Variants in PTPRD observed in about 807,000 individuals in gnomAD.
PTPRD encodes receptor-type tyrosine-protein phosphatase delta.
Under a neutral mutation model 214.5 loss-of-function variants are expected in PTPRD, and 34 were observed. The ratio of observed to expected loss-of-function variants is 0.16; its 90% CI spans 0.12 to 0.21. PTPRD has a LOEUF of 0.21. Ranked by LOEUF, PTPRD falls within the 10% of genes least tolerant of loss-of-function variation. PTPRD has a pLI of 1.00. For missense variants in PTPRD, 2,545 were observed against 2,398.7 expected, an observed-to-expected ratio of 1.06 and a Z score of -1.27; for synonymous variants, 1,128 against 845.7, an observed-to-expected ratio of 1.33 and a Z score of -5.79.
chr9:8,921,491 C>T (rs935845914), intron 11 of PTPRD, among the ~76,000 whole-genome samples: 2 of 150,744 alleles, frequency 1.3e-5, no homozygotes, highest in African/African-American at 4.9e-5. Context: ...CAAAAGTTTT[C>T]GCATTTTTTT....
chr9:10,044,237 T>C (rs2097349430), intron 3 of PTPRD, among the ~76,000 whole-genome samples: 1 of 151,790 alleles, frequency 6.6e-6, no homozygotes, highest in Non-Finnish European at 1.5e-5. Flanking sequence ...TCTATGAGTT[T>C]TTCTCTAAAA....
intron 12 of PTPRD, 125 bp from the exon 13 acceptor site, chr9:8,636,969 C>G: frequency 1.1e-6 from 1 of 894,724 alleles, no homozygotes; most frequent in South Asian, 2.1e-5. Flanking sequence ...TTACAATGCA[C>G]TATGGGATTA....
chr9:9,700,826 G>A (rs182865865), intron 7 of PTPRD, among the ~76,000 whole-genome samples: 2 of 152,094 alleles, frequency 1.3e-5, no homozygotes, highest in Middle Eastern at 3.4e-3. Flanking sequence ...CAGATCCTAA[G>A]ATTTTGGAAT....
intron 31 of PTPRD, among the ~76,000 whole-genome samples, chr9:8,466,804 C>T (rs140673347): frequency 2.0e-5 from 3 of 151,878 alleles, no homozygotes; most frequent in African/African-American, 7.2e-5. Flanking sequence ...CTTATGGAAA[C>T]AGTGCAGCAA....
intron 8 of PTPRD, among the ~76,000 whole-genome samples, chr9:9,520,523 G>A (rs1008819637): frequency 6.6e-6 from 1 of 152,038 alleles, no homozygotes; most frequent in Non-Finnish European, 1.5e-5. Flanking sequence ...AAGAAATACA[G>A]TGTCTTTTTT....
At chr9:9,476,923 C>T (rs10977807) in intron 8 of PTPRD, among the ~76,000 whole-genome samples, 104,382 of 150,994 alleles carry the variant, frequency 0.69, 36,100 homozygotes, top group South Asian at 0.73. Context: ...TCAGTAGGGA[C>T]GGGGTTTCTC....
intron 14 of PTPRD, among the ~76,000 whole-genome samples, chr9:8,614,177 T>A (rs561157831): frequency 6.6e-6 from 1 of 152,184 alleles, no homozygotes; most frequent in Non-Finnish European, 1.5e-5. Flanking sequence ...ACTGAGCTTT[T>A]TGACCCTCAT....
At chr9:9,668,371 G>T (rs893232824) in intron 7 of PTPRD, among the ~76,000 whole-genome samples, 2 of 152,110 alleles carry the variant, frequency 1.3e-5, no homozygotes, top group African/African-American at 4.8e-5. Context: ...GGAAATTTTT[G>T]CTAACTGCAG....
At chr9:8,348,463 T>C (rs1179095156) in intron 39 of PTPRD, among the ~76,000 whole-genome samples, 1 of 152,140 alleles carries the variant, frequency 6.6e-6, no homozygotes, top group African/African-American at 2.4e-5. Flanking sequence ...TCCAATATTA[T>C]CTCTTCAAAC....
chr9:9,574,770 C>G lies in PTPRD; in HGVS notation c.-275G>C, dbSNP rs1477282931. The stretch of plus-strand genomic sequence containing the variant: ...GTTAGGAATTCGAAGAAAAAGTTCA[C>G]CACCCTGAGACCTAGAAAAGTATAA... On this transcript the variant is annotated 5_prime_UTR_variant, in exon 8 of 46. Coordinates refer to ENST00000381196, the MANE Select transcript of PTPRD (RefSeq NM_002839.4). 1 of 151,982 alleles carries G rather than the reference C, an allele frequency of 6.6e-6. No homozygotes were observed. The highest frequency in any genetic ancestry group is 1.5e-5 in the Non-Finnish European group (1 of 67,960). The allele number at this position is 151,982 out of a possible 1,614,324, so 9.4% of individuals were successfully genotyped here.
At chr9:9,056,556 T>C (rs1482469519) in intron 10 of PTPRD, among the ~76,000 whole-genome samples, 4 of 152,214 alleles carry the variant, frequency 2.6e-5, no homozygotes, top group Non-Finnish European at 4.4e-5. Flanking sequence ...AAATTGACGT[T>C]GATGGTAAAT....
intron 4 of PTPRD, among the ~76,000 whole-genome samples, chr9:10,008,249 T>C (rs1484583596): frequency 1.3e-5 from 2 of 151,906 alleles, no homozygotes; most frequent in African/African-American, 4.8e-5. Flanking sequence ...TCCCTGTCAG[T>C]AGACTTTCAT....
intron 4 of PTPRD, among the ~76,000 whole-genome samples, chr9:9,980,635 CAAAAAAA>C (rs1172955634): frequency 8.8e-5 from 3 of 34,004 alleles, no homozygotes; most frequent in Non-Finnish European, 1.7e-4. Context: ...AAAAAAAAAA[CAAAAAAA>C]AAAACCCTTT....
intron 7 of PTPRD, among the ~76,000 whole-genome samples, chr9:9,611,621 G>C (rs900758754): frequency 1.3e-5 from 2 of 151,626 alleles, no homozygotes; most frequent in Admixed American, 6.6e-5. Flanking sequence ...TATTATATTG[G>C]TCATCCATAG....
Position 8,492,968 on chromosome 9 carries a change from AATGATC to A in PTPRD, c.2355_2360del (p.Met785_Ile786del). ...AGGAAGTTTCAGGCTGGAGCCCAGA[AATGATC>A]ATGTCCTGAAATGACAAAATAGAAT... is the stretch of plus-strand genomic sequence containing the variant. On this transcript the variant is annotated inframe_deletion, in exon 27 of 46. Coordinates refer to ENST00000381196, the MANE Select transcript of PTPRD (RefSeq NM_002839.4). 1 of 1,612,738 alleles carries A rather than the reference AATGATC, an allele frequency of 6.2e-7. No individual in the cohort carries two copies. The highest frequency in any genetic ancestry group is 8.5e-7 in the Non-Finnish European group (1 of 1,178,844).
chr9:8,444,928 A>G (rs1468867540), intron 34 of PTPRD, among the ~76,000 whole-genome samples: 1 of 152,212 alleles, frequency 6.6e-6, no homozygotes, highest in African/African-American at 2.4e-5. Flanking sequence ...TGCTGTCTAC[A>G]GAGATGTATG....
At chr9:9,724,237 T>C (rs1211734456) in intron 7 of PTPRD, among the ~76,000 whole-genome samples, 1 of 152,196 alleles carries the variant, frequency 6.6e-6, no homozygotes, top group Non-Finnish European at 1.5e-5. Flanking sequence ...ACCTGTTCTT[T>C]TTTAAAGGTT....
chr9:9,781,853 C>T (rs1288212314), intron 5 of PTPRD, among the ~76,000 whole-genome samples: 2 of 150,614 alleles, frequency 1.3e-5, no homozygotes, highest in Non-Finnish European at 2.9e-5. Context: ...AGTGCAGTGG[C>T]GCAATCTCGG....
At chr9:10,128,195 G>A (rs996162589) in intron 3 of PTPRD, among the ~76,000 whole-genome samples, 5 of 152,018 alleles carry the variant, frequency 3.3e-5, no homozygotes, top group Non-Finnish European at 7.3e-5. Context: ...TCTGAGCTCT[G>A]CTATAGGTTG....
Sources: gnomAD v4.1 joint callset for allele counts (sites outside exome capture counted in the v4.1 genomes callset) on GRCh38, gnomAD v4.1.1 for gene constraint, MANE v1.5 for transcripts, NCBI Gene and HGNC (gene_info 2026-07-23, HGNC 2026-07-21) for gene names.